Variants in SLC26A3 observed in about 807,000 individuals in gnomAD.
The protein encoded by SLC26A3 is chloride anion exchanger.
SLC26A3 carries 64 observed loss-of-function variants against 85.6 expected under a neutral mutation model. The observed-to-expected ratio is 0.75, with a 90% CI of 0.61 to 0.92. The LOEUF is 0.92. Among genes scored for constraint, SLC26A3 ranks in the 40% least tolerant of loss-of-function variants. The pLI is 0.00. For synonymous variants in SLC26A3, 349 were observed against 336.0 expected (o/e 1.04, Z -0.42); for missense variants, 922 against 927.3 (o/e 0.99, Z 0.07).
At chr7:107,777,453 A>C (rs1483703313) in intron 13 of SLC26A3, among the ~76,000 whole-genome samples, 4 of 152,026 alleles carry the variant, frequency 2.6e-5, no homozygotes, top group Non-Finnish European at 5.9e-5. Context: ...AAAATTAGCC[A>C]GTGGCAGGCA....
At chr7:107,793,419 G>C (rs1156401866) in intron 3 of SLC26A3, among the ~76,000 whole-genome samples, 1 of 152,168 alleles carries the variant, frequency 6.6e-6, no homozygotes, top group African/African-American at 2.4e-5. Context: ...CCATAAAATG[G>C]AATGAAGTAC....
chr7:107,780,166 T>G (rs1562877573), intron 11 of SLC26A3, among the ~76,000 whole-genome samples: 1 of 147,100 alleles, frequency 6.8e-6, no homozygotes, highest in African/African-American at 2.5e-5. Flanking sequence ...TGCTCTTTGT[T>G]AAAAAAAAAA....
chr7:107,773,975 A>C lies in SLC26A3; in HGVS notation c.1952T>G (p.Leu651Arg). 5 of 1,614,172 alleles carry C rather than the reference A, an allele frequency of 3.1e-6. No individual in the cohort carries two copies. The highest frequency in any genetic ancestry group is 4.2e-6 in the Non-Finnish European group (5 of 1,180,008). ...VPKISLHSLI[L>R]DFSAVSFLDV... is the part of the protein sequence containing the mutation. ...AAGAAAGGACACTGCTGAAAAGTCA[A>C]GAATGAGGCTGTGGAGGCTGATTTT... The change falls in exon 17 of 21, where the codon CTT becomes CGT. Residue 651 changes from leucine to arginine, a missense_variant. By Grantham distance (102) the Leu-to-Arg change is moderately radical. Coordinates refer to ENST00000340010, the MANE Select transcript of SLC26A3 (RefSeq NM_000111.3).
chr7:107,769,724 T>TA (rs1170297502), intron 18 of SLC26A3, among the ~76,000 whole-genome samples: 1 of 152,184 alleles, frequency 6.6e-6, no homozygotes, highest in Non-Finnish European at 1.5e-5. Context: ...CCCCTGAACT[T>TA]AAAAGTTTTT....
Position 107,789,684 on chromosome 7 carries a change from G to A in SLC26A3, c.575C>T (p.Ala192Val), listed in dbSNP as rs748470732. 1.9e-6 allele frequency: 3 copies of A among 1,613,020 alleles called. No homozygotes were observed. Residue 192 changes from alanine to valine, a missense_variant, in exon 6 of 21, where the codon GCT (alanine) becomes GTT (valine). By Grantham distance (64) the Ala-to-Val change is moderately conservative. Coordinates refer to ENST00000340010, the MANE Select transcript of SLC26A3 (RefSeq NM_000111.3). Reference protein sequence around the residue: ...VTVLSGIIQLAFGILRIGFVV... With the variant: ...VTVLSGIIQLVFGILRIGFVV... ...AAATCCAATCCGCAGAATCCCAAAA[G>A]CCAACTGGAAAGAGAACAAAAGCCT... is the stretch of plus-strand genomic sequence containing the variant.
chr7:107,773,505 C>T (rs1325833809), intron 17 of SLC26A3, among the ~76,000 whole-genome samples: 1 of 152,210 alleles, frequency 6.6e-6, no homozygotes, highest in African/African-American at 2.4e-5. Flanking sequence ...TTATCATTTG[C>T]TTCTAATTAA....
intron 17 of SLC26A3, among the ~76,000 whole-genome samples, chr7:107,773,204 A>G (rs1041996432): frequency 3.3e-5 from 5 of 152,206 alleles, no homozygotes; most frequent in East Asian, 1.9e-4. Context: ...AAATTTCATC[A>G]GCTTATAATG....
chr7:107,792,637 C>G (rs62467981), intron 3 of SLC26A3, among the ~76,000 whole-genome samples: 4 of 152,298 alleles, frequency 2.6e-5, no homozygotes, highest in South Asian at 2.1e-4. Flanking sequence ...CCACTCACCT[C>G]CTGCTGTGTG....
chr7:107,785,740 TA>T (rs201674863), intron 8 of SLC26A3, among the ~76,000 whole-genome samples: 9 of 152,044 alleles, frequency 5.9e-5, no homozygotes, highest in Middle Eastern at 3.4e-3. Context: ...GATCTGGTAA[TA>T]AAAAAAATGT....
In SLC26A3 at chr7:107,783,072, C is replaced by G; in HGVS notation, c.1141G>C (p.Gly381Arg). Reference protein sequence around the residue: ...GNQELIALGLGNIVCGVFRGF... With the variant: ...GNQELIALGLRNIVCGVFRGF... ...CTGAATACTCCACAGACTATGTTAC[C>G]CAGTCCCAAGGCTATTAACTCCTGA... Residue 381 changes from glycine (G) to arginine (R), a missense_variant, in exon 10 of 21, where the codon GGT (glycine) becomes CGT (arginine). Transcript: ENST00000340010. 1 of 1,614,168 alleles carries G rather than the reference C, an allele frequency of 6.2e-7. No homozygotes were observed. The highest frequency in any genetic ancestry group is 8.5e-7 in the Non-Finnish European group (1 of 1,180,010).
intron 13 of SLC26A3, 57 bp from the exon 14 acceptor site, chr7:107,776,763 G>GCTAA (rs1794123027): frequency 6.8e-7 from 1 of 1,481,040 alleles, no homozygotes; most frequent in Non-Finnish European, 9.4e-7. Context: ...AGCCTATAAG[G>GCTAA]CTAACACTGA....
At chr7:107,778,838 A>T (rs1024757182) in intron 12 of SLC26A3, among the ~76,000 whole-genome samples, 2 of 152,072 alleles carry the variant, frequency 1.3e-5, no homozygotes, top group Admixed American at 1.3e-4. Flanking sequence ...AAAAATAAAA[A>T]AAAATAGCTG....
intron 12 of SLC26A3, among the ~76,000 whole-genome samples, chr7:107,778,717 T>A (rs1311863720): frequency 1.3e-5 from 2 of 152,062 alleles, no homozygotes; most frequent in East Asian, 3.9e-4. Flanking sequence ...AGACTGGGCG[T>A]GAAGGCTCAC....
intron 2 of SLC26A3, 92 bp downstream of exon 2, chr7:107,794,287 G>C (rs565289671): frequency 1.4e-6 from 2 of 1,414,544 alleles, no homozygotes; most frequent in African/African-American, 1.4e-5. Context: ...CTGTGGACTA[G>C]AGCCAGAAAG....
chr7:107,770,087 TTTC>T (rs764310674), intron 18 of SLC26A3, among the ~76,000 whole-genome samples: 3 of 147,818 alleles, frequency 2.0e-5, no homozygotes, highest in Non-Finnish European at 3.0e-5. Flanking sequence ...TTTTTCTTTC[TTTC>T]TTTCTTATTT....
rs143515876 is a variant in SLC26A3, at chr7:107,791,085, G to A, written c.533C>T (p.Ala178Val). Reference protein sequence around the residue: ...LLDDERVRVAAAASVTVLSGI... With the variant: ...LLDDERVRVAVAASVTVLSGI... ...AGAAAGCACTGTGACTGATGCCGCC[G>A]CCGCCACCCTCACCCTCTCGTCATC... is the stretch of plus-strand genomic sequence containing the variant. Residue 178 changes from alanine (A) to valine (V), a missense_variant, in exon 5 of 21, where the codon GCG becomes GTG. Ala to Val is a moderately conservative substitution (Grantham distance 64). Coordinates refer to ENST00000340010, the MANE Select transcript of SLC26A3 (RefSeq NM_000111.3). 5.3e-5 allele frequency: 85 copies of A among 1,614,086 alleles called. No individual in the cohort carries two copies. The highest frequency in any genetic ancestry group is 8.9e-5 in the East Asian group (4 of 44,868).
intron 3 of SLC26A3, among the ~76,000 whole-genome samples, chr7:107,792,413 C>T (rs945770368): frequency 6.6e-6 from 1 of 151,920 alleles, no homozygotes; most frequent in African/African-American, 2.4e-5. Context: ...ATGGTTCCCT[C>T]TGGGGGTGTT....
At chr7:107,798,112 C>A (rs186366023) in intron 1 of SLC26A3, among the ~76,000 whole-genome samples, 4 of 152,032 alleles carry the variant, frequency 2.6e-5, no homozygotes, top group African/African-American at 9.6e-5. Flanking sequence ...TTCCCTACGA[C>A]GTGCTTTTTA....
intron 3 of SLC26A3, 127 bp downstream of exon 3, chr7:107,793,615 A>T: frequency 1.4e-6 from 1 of 723,782 alleles, no homozygotes; most frequent in Non-Finnish European, 2.3e-6. Flanking sequence ...GGTGGTGGTG[A>T]AAATGTTCCA....
Sources: gnomAD v4.1 joint callset for allele counts (sites outside exome capture counted in the v4.1 genomes callset) on GRCh38, gnomAD v4.1.1 for gene constraint, MANE v1.5 for transcripts, NCBI Gene and HGNC (gene_info 2026-07-23, HGNC 2026-07-21) for gene names.